The following RFTN1 variants were observed in gnomAD, a reference collection of about 807,000 sequenced individuals.
RFTN1 encodes raftlin.
In RFTN1, 26 loss-of-function variants were observed where a neutral mutation model predicts 46.5. The ratio of observed to expected loss-of-function variants is 0.56; its 90% CI spans 0.41 to 0.78. The LOEUF is 0.78. Ranked by LOEUF, RFTN1 falls within the 30% of genes least tolerant of loss-of-function variation. The pLI is 0.00. For missense variants in RFTN1, 693 were observed against 718.7 expected, an observed-to-expected ratio of 0.96 and a Z score of 0.41; for synonymous variants, 261 against 284.2, an observed-to-expected ratio of 0.92 and a Z score of 0.82.
rs1559361171 is a variant in RFTN1, at chr3:16,466,615, C to A, written c.145+27110G>T. Reference sequence around the variant, plus strand: ...TTTAAGGAAAAAGTAAAACACCAACCATCCTCAGAAACCAACCTTCTTTAC... The same window carrying A: ...TTTAAGGAAAAAGTAAAACACCAACAATCCTCAGAAACCAACCTTCTTTAC... On this transcript the variant is annotated intron_variant, in intron 2 of 9. Transcript: ENST00000334133. This position sits in a 1 kb window ranked among gnomAD's most constrained non-coding sequence, Gnocchi z 5.6. Among the ~76,000 whole-genome samples, 2 of 152,214 alleles carry A rather than the reference C, an allele frequency of 1.3e-5. No homozygotes were observed. The highest frequency in any genetic ancestry group is 2.9e-5 in the Non-Finnish European group (2 of 68,020).
At chr3:16,359,032 C>CAAAAAA (rs771185605) in intron 6 of RFTN1, among the ~76,000 whole-genome samples, 11 of 89,508 alleles carry the variant, frequency 1.2e-4, no homozygotes, top group African/African-American at 4.4e-4. Context: ...ATTCTGTCTC[C>CAAAAAA]AAAAAAAAAA....
chr3:16,470,436 A>C (rs2076174918), intron 2 of RFTN1, among the ~76,000 whole-genome samples: 2 of 152,200 alleles, frequency 1.3e-5, no homozygotes, highest in South Asian at 4.1e-4. Flanking sequence ...GGAGCAGCTA[A>C]AACTCGGACA....
At chr3:16,378,290 T>G (rs486681) in intron 4 of RFTN1, among the ~76,000 whole-genome samples, 188 bp from the exon 5 acceptor site, 41,970 of 152,210 alleles carry the variant, frequency 0.28, 6,150 homozygotes, top group Non-Finnish European at 0.32. Flanking sequence ...AAGAAGACAG[T>G]TTTTTTAATT....
intron 4 of RFTN1, among the ~76,000 whole-genome samples, chr3:16,389,713 G>A (rs1356857720): frequency 6.6e-6 from 1 of 152,142 alleles, no homozygotes; most frequent in Non-Finnish European, 1.5e-5. Context: ...GTGGCAGACT[G>A]TATTTTCCAA....
At chr3:16,360,892 A>T (rs138715724) in intron 6 of RFTN1, among the ~76,000 whole-genome samples, 132 of 152,336 alleles carry the variant, frequency 8.7e-4, no homozygotes, top group Middle Eastern at 3.4e-3. Flanking sequence ...AAACTGCCAC[A>T]TGAGCTCAAT....
chr3:16,316,421 C>T lies in RFTN1; in HGVS notation c.*407G>A, dbSNP rs1012585373. 6.2e-4 allele frequency: 157 copies of T among 252,212 alleles called. No individual in the cohort carries two copies. Among genetic ancestry groups the T allele is most frequent in the African/African-American group, 3.1e-3 (131 of 42,694 alleles). The allele number at this position is 252,212 out of a possible 1,614,324, so 15.6% of individuals were successfully genotyped here. A position where few individuals can be genotyped will look rare whatever the true frequency, so the allele number is the denominator to read the frequency against. On this transcript the variant is annotated 3_prime_UTR_variant, in exon 10 of 10. Transcript: ENST00000334133. This position sits in a 1 kb window ranked among gnomAD's most constrained non-coding sequence, Gnocchi z 4.5. ...TGCAGGGGATGGACACTGCCCCACA[C>T]GATGTGGGATGAACAGCAGCCTTGG...
rs2074689705 is a variant in RFTN1 at position 16,403,772 on chromosome 3, AAT to A, written c.441+5601_441+5602del. On this transcript the variant is annotated intron_variant, in intron 4 of 9. Coordinates refer to ENST00000334133, the MANE Select transcript of RFTN1 (RefSeq NM_015150.2). ...ATTATATATAAAATATATAATATAT[AAT>A]ATATATTATATATTTTATATATAAT... Among the ~76,000 whole-genome samples, 4 of 12,274 alleles carry A rather than the reference AAT, an allele frequency of 3.3e-4. 1 individual carries two copies. Among genetic ancestry groups the A allele is most frequent in the Non-Finnish European group, 4.7e-4 (4 of 8,454 alleles). 8.1% of individuals were successfully genotyped at this position (12,274 alleles called of 152,430 possible). A position where few individuals can be genotyped will look rare whatever the true frequency, so the allele number is the denominator to read the frequency against.
rs779673291 is a variant in RFTN1, at chr3:16,370,267, A to G, written c.839T>C (p.Phe280Ser). ...GCTCTTCGGTTTGTTGAAAAGGGTG[A>G]AGATCTCCATTTCTGTTGGGATTTG... ...EEPLSGKMEI[F>S]TLFNKPKSHQ... Residue 280 changes from phenylalanine (F) to serine (S), a missense_variant, in exon 6 of 10, where the codon TTC becomes TCC. By Grantham distance (155) the Phe-to-Ser change is radical. Coordinates refer to ENST00000334133, the MANE Select transcript of RFTN1 (RefSeq NM_015150.2). This position sits in a 1 kb window ranked among gnomAD's most constrained non-coding sequence, Gnocchi z 5.5. 2.5e-6 allele frequency: 4 copies of G among 1,613,470 alleles called. No homozygotes were observed. The highest frequency in any genetic ancestry group is 3.3e-5 in the Admixed American group (2 of 59,970).
At chr3:16,485,748 T>A (rs1242802612) in intron 2 of RFTN1, among the ~76,000 whole-genome samples, 1 of 152,244 alleles carries the variant, frequency 6.6e-6, no homozygotes, top group African/African-American at 2.4e-5. Flanking sequence ...GCACTTCATA[T>A]GGGTGTGTTT....
intron 2 of RFTN1, among the ~76,000 whole-genome samples, chr3:16,490,061 G>A (rs764747354): frequency 7.9e-5 from 12 of 152,190 alleles, no homozygotes; most frequent in African/African-American, 2.2e-4. Context: ...ATGAGAGACC[G>A]CCAGGGAAAG....
At chr3:16,419,115 T>C (rs904641159) in intron 3 of RFTN1, among the ~76,000 whole-genome samples, 5 of 152,146 alleles carry the variant, frequency 3.3e-5, no homozygotes, top group Middle Eastern at 3.4e-3. Flanking sequence ...AGTTATATGA[T>C]GGAAATAATA....
chr3:16,403,756 A>T (rs1214656796), intron 4 of RFTN1, among the ~76,000 whole-genome samples: 1 of 20,542 alleles, frequency 4.9e-5, no homozygotes. Flanking sequence ...TATTATATAT[A>T]AAATATATAA....
intron 2 of RFTN1, among the ~76,000 whole-genome samples, chr3:16,436,417 T>A (rs983079236): frequency 6.6e-6 from 1 of 151,680 alleles, no homozygotes; most frequent in African/African-American, 2.4e-5. Context: ...AGTGCGGTGG[T>A]GCTATCCCCG....
rs2074222998 is a variant in RFTN1 at position 16,387,570 on chromosome 3, T to TCTCTCTCTCTCTCTCTC, written c.442-9469_442-9468insGAGAGAGAGAGAGAGAG. Among the ~76,000 whole-genome samples the TCTCTCTCTCTCTCTCTC allele has an allele frequency of 4.3e-5, 5 of 116,418 alleles. No homozygotes were observed. Among genetic ancestry groups the TCTCTCTCTCTCTCTCTC allele is most frequent in the South Asian group, 2.8e-4 (1 of 3,576 alleles). The allele number at this position is 116,418 out of a possible 152,430, so 76.4% of individuals were successfully genotyped here. A position where few individuals can be genotyped will look rare whatever the true frequency, so the allele number is the denominator to read the frequency against. ...CACTTCTCTCTTCTATATCCTCAAT[T>TCTCTCTCTCTCTCTCTC]TCTCTCTCTCTCTCTCTCTCTCTCT... is the stretch of plus-strand genomic sequence containing the variant. On this transcript the variant is annotated intron_variant, in intron 4 of 9. Transcript: ENST00000334133. This position sits in a 1 kb window ranked among gnomAD's most constrained non-coding sequence, Gnocchi z 5.2.
Position 16,489,745 on chromosome 3 carries a change from T to C in RFTN1, c.145+3980A>G, listed in dbSNP as rs1035157997. Among the ~76,000 whole-genome samples, 2 of 151,986 alleles carry C rather than the reference T, an allele frequency of 1.3e-5. No homozygotes were observed. Among genetic ancestry groups the C allele is most frequent in the African/African-American group, 2.4e-5 (1 of 41,392 alleles). On this transcript the variant is annotated intron_variant, in intron 2 of 9. Transcript: ENST00000334133. This position sits in a 1 kb window ranked among gnomAD's most constrained non-coding sequence, Gnocchi z 4.0. ...CAACATTGTGAAACCCCATCTCTACTAAAAATACCAAAATTAGCCGTGTGT... is the reference window on the plus strand; with the variant it reads ...CAACATTGTGAAACCCCATCTCTACCAAAAATACCAAAATTAGCCGTGTGT...
In RFTN1 at chr3:16,422,214, T is replaced by C. The variant is rs1179269887; in HGVS notation, c.332+11637A>G. Among the ~76,000 whole-genome samples the C allele has an allele frequency of 6.6e-6, 1 of 152,214 alleles. No homozygotes were observed. The highest frequency in any genetic ancestry group is 1.5e-5 in the Non-Finnish European group (1 of 68,040). ...TGTTCTTGAAAACACAAGGTGGAAATTCTTCTTAAATTAGTGTGTTAATGT... is the reference window on the plus strand; with the variant it reads ...TGTTCTTGAAAACACAAGGTGGAAACTCTTCTTAAATTAGTGTGTTAATGT... On this transcript the variant is annotated intron_variant, in intron 3 of 9. Coordinates refer to ENST00000334133, the MANE Select transcript of RFTN1 (RefSeq NM_015150.2). The surrounding 1 kb of genome is among the most constrained non-coding windows in gnomAD (Gnocchi z 4.6).
chr3:16,482,076 G>A (rs1039304754), intron 2 of RFTN1, among the ~76,000 whole-genome samples: 4 of 152,108 alleles, frequency 2.6e-5, no homozygotes, highest in African/African-American at 9.7e-5. Flanking sequence ...TGATACCTAA[G>A]GAAAGTGGTC....
chr3:16,390,502 C>A (rs1040720560), intron 4 of RFTN1, among the ~76,000 whole-genome samples: 3 of 152,192 alleles, frequency 2.0e-5, no homozygotes, highest in Non-Finnish European at 4.4e-5. Flanking sequence ...GCCCCTGCAG[C>A]TTAGCTTACA....
At chr3:16,471,247 C>T (rs1017032474) in intron 2 of RFTN1, among the ~76,000 whole-genome samples, 44 of 152,154 alleles carry the variant, frequency 2.9e-4, no homozygotes, top group African/African-American at 9.2e-4. Context: ...CATTTTAAAA[C>T]GCAAAATGGG....
Sources: gnomAD v4.1 joint callset for allele counts (sites outside exome capture counted in the v4.1 genomes callset) on GRCh38, gnomAD v4.1.1 for gene constraint, Gnocchi (gnomAD v3.1) non-coding constraint, MANE v1.5 for transcripts, NCBI Gene and HGNC (gene_info 2026-07-23, HGNC 2026-07-21) for gene names.